Variants in ACBD5 observed in about 807,000 individuals in gnomAD.
ACBD5 encodes the protein acyl-CoA binding domain containing 5, also known as acyl-CoA-binding domain-containing protein 5.
ACBD5 carries 40 observed loss-of-function variants against 71.8 expected under a neutral mutation model. The observed-to-expected ratio is 0.56, with a 90% CI of 0.43 to 0.72. The LOEUF is 0.72. ACBD5 is among the 30% of genes least tolerant of loss of function. The probability of loss-of-function intolerance (pLI) is 0.00; values close to 1 mark genes in which losing one functional copy is unlikely to be tolerated. For synonymous variants in ACBD5, 229 were observed against 218.6 expected (o/e 1.05, Z -0.42); for missense variants, 559 against 644.5 (o/e 0.87, Z 1.44).
At chr10:27,228,805 A>AT (rs1564691008) in intron 4 of ACBD5, among the ~76,000 whole-genome samples, 3 of 4,600 alleles carry the variant, frequency 6.5e-4, no homozygotes, top group Non-Finnish European at 1.4e-3. Flanking sequence ...ATATATATAT[A>AT]TATATATATA....
chr10:27,186,024 G>A (rs540841820), intron 13 of ACBD5, among the ~76,000 whole-genome samples: 7 of 152,324 alleles, frequency 4.6e-5, no homozygotes, highest in South Asian at 2.1e-4. Context: ...GGGAGGCGGC[G>A]GTTGCAGTGA....
At chr10:27,228,805 A>ATTTTTTTT (rs1564691008) in intron 4 of ACBD5, among the ~76,000 whole-genome samples, 1 of 4,602 alleles carries the variant, frequency 2.2e-4, no homozygotes, top group African/African-American at 4.1e-4. Context: ...ATATATATAT[A>ATTTTTTTT]TATATATATA....
At chr10:27,239,815 C>T (rs1819352) in intron 2 of ACBD5, among the ~76,000 whole-genome samples, 110,000 of 152,044 alleles carry the variant, frequency 0.72, 39,907 homozygotes, top group Non-Finnish European at 0.74. Flanking sequence ...GGCACGATAT[C>T]GGGTCACTGC....
chr10:27,215,186 A>G (rs1451370908), intron 8 of ACBD5, among the ~76,000 whole-genome samples: 1 of 152,020 alleles, frequency 6.6e-6, no homozygotes, highest in Non-Finnish European at 1.5e-5. Flanking sequence ...AAAACAACAA[A>G]GAAGATCATT....
intron 2 of ACBD5, among the ~76,000 whole-genome samples, chr10:27,236,367 C>T (rs2064693044): frequency 6.6e-6 from 1 of 151,622 alleles, no homozygotes; most frequent in Non-Finnish European, 1.5e-5. Context: ...TAATATGATA[C>T]CTTTTGGCAA....
intron 5 of ACBD5, among the ~76,000 whole-genome samples, chr10:27,221,701 G>A (rs2062356929): frequency 6.6e-6 from 1 of 151,814 alleles, no homozygotes; most frequent in African/African-American, 2.4e-5. Flanking sequence ...ATTACCTGAG[G>A]TCAGGAGTTC....
chr10:27,184,128 C>T (rs548312336), intron 13 of ACBD5, among the ~76,000 whole-genome samples: 2 of 152,128 alleles, frequency 1.3e-5, no homozygotes, highest in Non-Finnish European at 2.9e-5. Context: ...TCCCTGTCCT[C>T]GTGGAACTTA....
chr10:27,196,579 CAGTATAAATA>C lies in ACBD5; in HGVS notation c.*841_*850del, dbSNP rs2059404278. ...GTTTCCTTTTTGACTGTTGTAAAAA[CAGTATAAATA>C]AGTTTTCATTTTATATTTCAAAGCA... On this transcript the variant is annotated 3_prime_UTR_variant, in exon 13 of 13. Coordinates refer to ENST00000396271, the MANE Select transcript of ACBD5 (RefSeq NM_145698.5). 2.2e-6 allele frequency: 1 copy of C among 453,600 alleles called. No individual in the cohort carries two copies. Among genetic ancestry groups the C allele is most frequent in the African/African-American group, 2.0e-5 (1 of 49,804 alleles). 28.1% of individuals were successfully genotyped at this position (453,600 alleles called of 1,614,324 possible).
At chr10:27,205,166 C>T in intron 11 of ACBD5, 32 bp downstream of exon 11, 1 of 1,595,586 alleles carries the variant, frequency 6.3e-7, no homozygotes, top group Non-Finnish European at 8.6e-7. Flanking sequence ...ATATGAAACC[C>T]TGGCATTTAA....
At chr10:27,208,223 G>T in intron 10 of ACBD5, 23 bp downstream of exon 10, 13 of 1,610,302 alleles carry the variant, frequency 8.1e-6, no homozygotes, top group Non-Finnish European at 1.0e-5. Flanking sequence ...GCACAAGAAG[G>T]TATGATACAT....
At chr10:27,191,445 T>C (rs1284217799), downstream of ACBD5, among the ~76,000 whole-genome samples, 1 of 152,148 alleles carries the variant, frequency 6.6e-6, no homozygotes, top group Non-Finnish European at 1.5e-5. Context: ...GATATGTCCA[T>C]GTTGGTTCAT....
chr10:27,194,609 C>A (rs2059227954), downstream of ACBD5, among the ~76,000 whole-genome samples: 2 of 51,550 alleles, frequency 3.9e-5, no homozygotes, highest in African/African-American at 6.1e-5. Context: ...AAGACTCCAT[C>A]TCAAATAATA....
Position 27,196,148 on chromosome 10 carries a change from C to A in ACBD5, c.*1282G>T. 2.2e-6 allele frequency: 1 copy of A among 453,024 alleles called. No homozygotes were observed. Among genetic ancestry groups the A allele is most frequent in the South Asian group, 1.6e-5 (1 of 64,248 alleles). The allele number at this position is 453,024 out of a possible 1,614,324, so 28.1% of individuals were successfully genotyped here. A position where few individuals can be genotyped will look rare whatever the true frequency, so the allele number is the denominator to read the frequency against. ...CCAGGAGGTGGAAGTTGCAGTGAGC[C>A]AAGATCACGCCATTGCCCTCCAGCC... On this transcript the variant is annotated 3_prime_UTR_variant, in exon 13 of 13. Coordinates refer to ENST00000396271, the MANE Select transcript of ACBD5 (RefSeq NM_145698.5).
chr10:27,241,803 G>A (rs892593459), upstream of ACBD5, among the ~76,000 whole-genome samples: 12 of 152,126 alleles, frequency 7.9e-5, no homozygotes, highest in Admixed American at 4.6e-4. Flanking sequence ...CCTAGAAAGG[G>A]GGTGCCCTGG....
intron 6 of ACBD5, 95 bp from the exon 7 acceptor site, chr10:27,218,278 A>G: frequency 9.9e-7 from 1 of 1,007,496 alleles, no homozygotes; most frequent in South Asian, 1.3e-5. Flanking sequence ...TCCCTAACCT[A>G]CCACAATCCC....
rs550098241 is a variant in ACBD5 at position 27,225,223 on chromosome 10, T to C, written c.376-1771A>G. 1.2e-4 allele frequency among the ~76,000 whole-genome samples: 18 copies of C among 152,178 alleles called. No individual in the cohort carries two copies. The South Asian group carries it at 3.7e-3, about 32-fold the overall frequency. ...CAATTTCAGACACCTTCATAAGTGA[T>C]TTGCCCACCTCGGCCTCCCAAAGTG... is the stretch of plus-strand genomic sequence containing the variant. On this transcript the variant is annotated intron_variant, in intron 4 of 12. Coordinates refer to ENST00000396271, the MANE Select transcript of ACBD5 (RefSeq NM_145698.5).
Position 27,240,193 on chromosome 10 carries a change from C to T in ACBD5, c.181+126G>A. ...GGTAATTAATTCATATTCAATAGCTCCCCTTCCACTACATGGCTCCTACAC... is the reference window on the plus strand; with the variant it reads ...GGTAATTAATTCATATTCAATAGCTTCCCTTCCACTACATGGCTCCTACAC... On this transcript the variant is annotated intron_variant, in intron 2 of 12. Coordinates refer to ENST00000396271, the MANE Select transcript of ACBD5 (RefSeq NM_145698.5). This position sits in a 1 kb window ranked among gnomAD's most constrained non-coding sequence, Gnocchi z 4.1. 1 of 1,435,712 alleles carries T rather than the reference C, an allele frequency of 7.0e-7. No homozygotes were observed. The highest frequency in any genetic ancestry group is 9.5e-7 in the Non-Finnish European group (1 of 1,047,992). 88.9% of individuals were successfully genotyped at this position (1,435,712 alleles called of 1,614,324 possible). A position where few individuals can be genotyped will look rare whatever the true frequency, so the allele number is the denominator to read the frequency against.
chr10:27,233,428 GA>G (rs11308411), intron 3 of ACBD5, among the ~76,000 whole-genome samples: 99,625 of 128,904 alleles, frequency 0.77, 37,437 homozygotes, highest in African/African-American at 0.85. Context: ...TCCGTCTGAA[GA>G]AAAAAAAAAA....
chr10:27,237,567 G>A lies in ACBD5; in HGVS notation c.182-2355C>T, dbSNP rs931580193. Among the ~76,000 whole-genome samples, 16 of 151,610 alleles carry A rather than the reference G, an allele frequency of 1.1e-4. 1 individual carries two copies. In the East Asian group the frequency reaches 1.4e-3, roughly 13 times the overall value. The stretch of plus-strand genomic sequence containing the variant: ...TTCAATTAATATCAACTTAGTTTCA[G>A]GGGATAACAGTATACTGGATGTTGT... On this transcript the variant is annotated intron_variant, in intron 2 of 12. Coordinates refer to ENST00000396271, the MANE Select transcript of ACBD5 (RefSeq NM_145698.5).
Sources: allele counts gnomAD v4.1 joint callset (sites outside exome capture counted in the v4.1 genomes callset), GRCh38; gene constraint gnomAD v4.1.1; non-coding constraint Gnocchi (gnomAD v3.1); transcripts MANE v1.5; gene names NCBI Gene and HGNC (gene_info 2026-07-23, HGNC 2026-07-21).